CYB5R2: variants seen among roughly 807,000 people sequenced by gnomAD.
The protein encoded by CYB5R2 is cytochrome b5 reductase 2, also known as NADH-cytochrome b5 reductase 2.
In CYB5R2, 35 loss-of-function variants were observed where a neutral mutation model predicts 29.8. That is an observed-to-expected ratio of 1.17 (90% CI 0.90 to 1.56). The LOEUF (loss-of-function observed/expected upper bound fraction) is 1.56. Among genes scored for constraint, CYB5R2 ranks in the 40% most tolerant of loss-of-function variants. CYB5R2 has a pLI of 0.00. For synonymous variants in CYB5R2, 169 were observed against 130.6 expected, an observed-to-expected ratio of 1.29 and a Z score of -2.01; for missense variants, 419 against 346.7, an observed-to-expected ratio of 1.21 and a Z score of -1.66.
Position 7,665,225 on chromosome 11 carries a change from A to G in CYB5R2, c.*149T>C. 2 of 642,150 alleles carry G rather than the reference A, an allele frequency of 3.1e-6. No individual in the cohort carries two copies. Among genetic ancestry groups the G allele is most frequent in the South Asian group, 5.8e-5 (2 of 34,412 alleles). 39.8% of individuals were successfully genotyped at this position (642,150 alleles called of 1,614,324 possible). On this transcript the variant is annotated 3_prime_UTR_variant, in exon 9 of 9. Transcript: ENST00000299498. ...TCCAGCCCCTTGAGCCCTTTTTGTT[A>G]GGCCCACACCCAAAAGAGGAGAACC...
At chr11:7,673,634 G>A (rs990522919), upstream of CYB5R2, 126 of 985,042 alleles carry the variant, frequency 1.3e-4, no homozygotes, top group Non-Finnish European at 1.5e-4. Flanking sequence ...GCCGGCCTCC[G>A]CGCCTCTGGC....
rs765329574 is a variant in CYB5R2 at position 7,672,538 on chromosome 11, CAT to C, written c.79-17_79-16del. Reference sequence around the variant, plus strand: ...TGGCTGATTTTCTGATAAAACAAAACATAGGCAGGTTCTGTCAGCTTTCTAGA... The same window carrying C: ...TGGCTGATTTTCTGATAAAACAAAACAGGCAGGTTCTGTCAGCTTTCTAGA... On this transcript the variant is annotated splice_polypyrimidine_tract_variant and intron_variant, in intron 2 of 8. Transcript: ENST00000299498. The C allele has an allele frequency of 2.7e-5, 43 of 1,613,790 alleles. No homozygotes were observed. The Admixed American group carries it at 4.2e-4, about 16-fold the overall frequency.
Position 7,672,797 on chromosome 11 carries a change from G to GTGAT in CYB5R2, c.25_28dup (p.Thr10AsnfsTer7), listed in dbSNP as rs1855838774. On this transcript the variant is annotated frameshift_variant, in exon 2 of 9. Transcript: ENST00000299498. LOFTEE classifies it high-confidence loss of function. Reference sequence around the variant, plus strand: ...GTACTTGGCTTCAGGGTCCTGTAAGGTGATTGGCTCTCTCCTCCTGGAGTT... The same window carrying GTGAT: ...GTACTTGGCTTCAGGGTCCTGTAAGGTGATTGATTGGCTCTCTCCTCCTGGAGTT... 1 of 1,614,044 alleles carries GTGAT rather than the reference G, an allele frequency of 6.2e-7. No individual in the cohort carries two copies. Among genetic ancestry groups the GTGAT allele is most frequent in the Non-Finnish European group, 8.5e-7 (1 of 1,180,022 alleles).
At position 7,665,559 on chromosome 11, in the gene CYB5R2, A is replaced by C; in HGVS notation, c.659-13T>G. The C allele has an allele frequency of 1.9e-6, 3 of 1,591,622 alleles. No individual in the cohort carries two copies. Among genetic ancestry groups the C allele is most frequent in the Non-Finnish European group, 2.6e-6 (3 of 1,170,276 alleles). Reference sequence around the variant, plus strand: ...CTGTACTTCCAGCCTGAAATGAAGGAGATGCAGGAGCAAGCTGAGCGATGC... The same window carrying C: ...CTGTACTTCCAGCCTGAAATGAAGGCGATGCAGGAGCAAGCTGAGCGATGC... On this transcript the variant is annotated splice_polypyrimidine_tract_variant and intron_variant, in intron 8 of 8. Coordinates refer to ENST00000299498, the MANE Select transcript of CYB5R2 (RefSeq NM_016229.5).
chr11:7,666,340 C>A, intron 8 of CYB5R2, 111 bp downstream of exon 8: 2 of 710,360 alleles, frequency 2.8e-6, no homozygotes, highest in South Asian at 1.8e-5. Flanking sequence ...AGGCTTAACC[C>A]CCACATCTGG....
intron 5 of CYB5R2, 36 bp downstream of exon 5, chr11:7,669,169 C>T: frequency 1.2e-6 from 2 of 1,613,834 alleles, no homozygotes; most frequent in African/African-American, 1.3e-5. Context: ...GAATCTTCCT[C>T]CCAGCTGGGA....
rs764239356 is a variant in CYB5R2 at position 7,665,374 on chromosome 11, T to TTTG, written c.830_831insCAA (p.Ter277delinsTyrLys). On this transcript the variant is annotated stop_lost, in exon 9 of 9. Coordinates refer to ENST00000299498, the MANE Select transcript of CYB5R2 (RefSeq NM_016229.5). ...CAAAATTGCTGAGCACGTGGAGGTG[T>TTTG]TAGTAGGTGAAAATCATGTCCTGGG... is the stretch of plus-strand genomic sequence containing the variant. The TTTG allele has an allele frequency of 2.6e-6, 4 of 1,558,792 alleles. No individual in the cohort carries two copies. Among genetic ancestry groups the TTTG allele is most frequent in the Non-Finnish European group, 3.5e-6 (4 of 1,153,582 alleles).
chr11:7,673,816 C>G (rs1159133718), upstream of CYB5R2: 19 of 988,070 alleles, frequency 1.9e-5, no homozygotes, highest in Non-Finnish European at 2.0e-5. Flanking sequence ...GCAGCTCCGC[C>G]TGGCCGACGG....
At chr11:7,672,551 T>C in intron 2 of CYB5R2, 28 bp from the exon 3 acceptor site, 2 of 1,612,192 alleles carry the variant, frequency 1.2e-6, no homozygotes, top group Non-Finnish European at 1.7e-6. Context: ...AGGCAGGTTC[T>C]GTCAGCTTTC....
Position 7,672,758 on chromosome 11 carries a change from A to G in CYB5R2, c.68T>C (p.Ile23Thr), listed in dbSNP as rs200550068. 1.4e-4 allele frequency: 219 copies of G among 1,613,894 alleles called. 2 individuals carry two copies. In the Admixed American group the frequency reaches 1.7e-3, roughly 12 times the overall value. Residue 23 changes from isoleucine to threonine, a missense_variant, in exon 2 of 9, where the codon ATT becomes ACT. Transcript: ENST00000299498. ...GGGCTGACCCATTACCTCTTTCTCA[A>G]TCAAGGGCAGCGGGTACTTGGCTTC... ...DPEAKYPLPL[I>T]EKEKISHNTR...
rs754894803 is a variant in CYB5R2 at position 7,665,496 on chromosome 11, G to A, written c.709C>T (p.Leu237Phe). 1 of 1,613,866 alleles carries A rather than the reference G, an allele frequency of 6.2e-7. No individual in the cohort carries two copies. Among genetic ancestry groups the A allele is most frequent in the Non-Finnish European group, 8.5e-7 (1 of 1,179,878 alleles). Residue 237 changes from leucine to phenylalanine, a missense_variant, in exon 9 of 9, where the codon CTT (leucine) becomes TTT (phenylalanine). By Grantham distance (22) the Leu-to-Phe change is conservative. Transcript: ENST00000299498. ...AGCGTGGACTTCGCTGGAGGAGGAAGGTGCTCCTTGATCATGTCGGCAGTA... is the reference window on the plus strand; with the variant it reads ...AGCGTGGACTTCGCTGGAGGAGGAAAGTGCTCCTTGATCATGTCGGCAGTA... ...FVTADMIKEH[L>F]PPPAKSTLIL... is the part of the protein sequence containing the mutation.
Position 7,672,804 on chromosome 11 carries a change from G to A in CYB5R2, c.22C>T (p.Pro8Ser). 5 of 1,614,122 alleles carry A rather than the reference G, an allele frequency of 3.1e-6. No individual in the cohort carries two copies. Among genetic ancestry groups the A allele is most frequent in the Non-Finnish European group, 4.2e-6 (5 of 1,180,006 alleles). Residue 8 changes from proline (P) to serine (S), a missense_variant, in exon 2 of 9, where the codon CCA (proline) becomes TCA (serine). By Grantham distance (74) the Pro-to-Ser change is moderately conservative (BLOSUM62 -1). Coordinates refer to ENST00000299498, the MANE Select transcript of CYB5R2 (RefSeq NM_016229.5). MNSRRRE[P>S]ITLQDPEAKY... ...GCTTCAGGGTCCTGTAAGGTGATTG[G>A]CTCTCTCCTCCTGGAGTTCATGCTC...
At chr11:7,665,748 C>A in intron 8 of CYB5R2, 1 of 1,305,832 alleles carries the variant, frequency 7.7e-7, no homozygotes, top group South Asian at 1.4e-5. Context: ...GTCCCAGGCT[C>A]ACTGCAGGGA....
Position 7,669,724 on chromosome 11 carries a change from A to ATAGT in CYB5R2, c.155_158dup (p.Tyr53Ter). The stretch of plus-strand genomic sequence containing the variant: ...TATCGATTTTTGCCAAGAGCTGGAC[A>ATAGT]TAGTTACCTATAGAAAAGGCATCAA... On this transcript the variant is annotated stop_gained and frameshift_variant, in exon 4 of 9. Coordinates refer to ENST00000299498, the MANE Select transcript of CYB5R2 (RefSeq NM_016229.5). LOFTEE classifies it high-confidence loss of function. 1 of 1,612,498 alleles carries ATAGT rather than the reference A, an allele frequency of 6.2e-7. No individual in the cohort carries two copies. The highest frequency in any genetic ancestry group is 8.5e-7 in the Non-Finnish European group (1 of 1,178,458).
upstream of CYB5R2, chr11:7,673,863 G>GACAAAAGC: frequency 9.1e-6 from 9 of 991,606 alleles, no homozygotes; most frequent in Non-Finnish European, 1.1e-5. Flanking sequence ...CGCCCGGGAG[G>GACAAAAGC]ACAAAAGCGC....
At chr11:7,670,731 G>A (rs982841590) in intron 3 of CYB5R2, 1 of 152,234 alleles carries the variant, frequency 6.6e-6, no homozygotes, top group Non-Finnish European at 1.5e-5. Context: ...GGGCAGCTAC[G>A]ACCTGTTGGA....
chr11:7,672,866 G>A lies in CYB5R2; in HGVS notation c.-41C>T, dbSNP rs1443965534. ...CACGAGCACAGTGACCCCAGTGACG[G>A]TGATGGTCAGGAGCAGGGACGGGTC... On this transcript the variant is annotated 5_prime_UTR_variant, in exon 2 of 9. Coordinates refer to ENST00000299498, the MANE Select transcript of CYB5R2 (RefSeq NM_016229.5). The A allele has an allele frequency of 1.9e-6, 3 of 1,613,808 alleles. No homozygotes were observed. The African/African-American group carries it at 4.0e-5, about 22-fold the overall frequency.
chr11:7,669,363 A>T (rs1424338053), intron 4 of CYB5R2, 29 bp from the exon 5 acceptor site: 1 of 1,590,818 alleles, frequency 6.3e-7, no homozygotes, highest in African/African-American at 1.3e-5. Context: ...CTGCTTTCAC[A>T]TTCCCAGACA....
rs760467155 is a variant in CYB5R2 at position 7,669,238 on chromosome 11, C to T, written c.355G>A (p.Gly119Arg). 6.2e-7 allele frequency: 1 copy of T among 1,614,024 alleles called. No individual in the cohort carries two copies. The highest frequency in any genetic ancestry group is 1.3e-5 in the African/African-American group (1 of 74,972). Residue 119 changes from glycine to arginine, a missense_variant, in exon 5 of 9, where the codon GGG (glycine) becomes AGG (arginine). By Grantham distance (125) the Gly-to-Arg change is moderately radical. Transcript: ENST00000299498. ...TGGTAAAACAAGCGTCCCCTTGGCC[C>T]TCGAAAAAAGATGGTCTCCCCGATT... is the stretch of plus-strand genomic sequence containing the variant. ...MKIGETIFFRGPRGRLFYHGP... is the reference protein window; with the variant it reads ...MKIGETIFFRRPRGRLFYHGP...
Sources: gnomAD v4.1 joint callset for allele counts on GRCh38, gnomAD v4.1.1 for gene constraint, MANE v1.5 for transcripts, NCBI Gene and HGNC (gene_info 2026-07-23, HGNC 2026-07-21) for gene names.